TMEM272: variants seen among roughly 807,000 people sequenced by gnomAD.
The protein encoded by TMEM272 is transmembrane protein 272.
A neutral mutation model predicts 3.7 loss-of-function variants in TMEM272; 8 were observed. That is an observed-to-expected ratio of 2.17 (90% CI 1.27 to 3.91). The LOEUF (loss-of-function observed/expected upper bound fraction) is 3.91, where lower values mean the gene tolerates loss of function less well. Ranked by LOEUF, TMEM272 falls within the 30% of genes most tolerant of loss-of-function variation. The probability of loss-of-function intolerance (pLI) is 0.00; values close to 1 mark genes in which losing one functional copy is unlikely to be tolerated. For missense variants in TMEM272, 166 were observed against 91.5 expected, an observed-to-expected ratio of 1.81 and a Z score of -3.32; for synonymous variants, 63 against 39.8, an observed-to-expected ratio of 1.58 and a Z score of -2.20.
intron 1 of TMEM272, among the ~76,000 whole-genome samples, chr13:51,838,938 ACT>A (rs1249607459): frequency 6.6e-6 from 1 of 152,008 alleles, no homozygotes; most frequent in Non-Finnish European, 1.5e-5. Context: ...AGTGTTACTG[ACT>A]CTGTTTTACA....
At chr13:51,876,570 T>C in the TMEM272 span, among the ~76,000 whole-genome samples, 1 of 152,248 alleles carries the variant, frequency 6.6e-6, no homozygotes, top group African/African-American at 2.4e-5. Context: ...TTGTACACTC[T>C]GATTTTATTA....
chr13:51,924,723 G>A, the TMEM272 span, among the ~76,000 whole-genome samples: 9 of 151,924 alleles, frequency 5.9e-5, no homozygotes, highest in African/African-American at 1.2e-4. Context: ...CCCCTTTCCC[G>A]CTCTCCCCAG....
chr13:51,842,973 T>TA (rs1942310808), intron 1 of TMEM272, among the ~76,000 whole-genome samples: 1 of 152,196 alleles, frequency 6.6e-6, no homozygotes. Context: ...GGATTTGAGG[T>TA]AAAATTGACT....
intron 3 of TMEM272, among the ~76,000 whole-genome samples, chr13:51,825,215 T>C (rs1287797826): frequency 3.9e-5 from 6 of 152,234 alleles, no homozygotes; most frequent in African/African-American, 1.4e-4. Context: ...CCCAGACTAC[T>C]TGGCTGTTTC....
the TMEM272 span, among the ~76,000 whole-genome samples, chr13:51,863,044 C>T: frequency 4.6e-5 from 7 of 152,264 alleles, no homozygotes; most frequent in East Asian, 5.8e-4. Flanking sequence ...CTGGAGGGTC[C>T]GAGTAGCTTT....
chr13:51,835,876 T>G (rs763582420), intron 2 of TMEM272, among the ~76,000 whole-genome samples: 3 of 152,256 alleles, frequency 2.0e-5, no homozygotes, highest in Non-Finnish European at 4.4e-5. Context: ...CCTGGGGATA[T>G]TCTCTTATTA....
At chr13:51,903,972 T>TGTGTGTGTGTGTGTGTG in the TMEM272 span, among the ~76,000 whole-genome samples, 62 of 151,516 alleles carry the variant, frequency 4.1e-4, no homozygotes, top group South Asian at 1.0e-3. Context: ...TGTGTGTGTG[T>TGTGTGTGTGTGTGTGTG]TTAGAAAGAA....
the TMEM272 span, among the ~76,000 whole-genome samples, chr13:51,898,318 G>A: frequency 5.3e-5 from 8 of 151,924 alleles, no homozygotes; most frequent in Non-Finnish European, 1.2e-4. Context: ...AAACTCCTGG[G>A]GATTTTTCTC....
chr13:51,839,852 A>T (rs9285180), intron 1 of TMEM272, among the ~76,000 whole-genome samples: 2,108 of 152,320 alleles, frequency 0.014, 53 homozygotes, highest in African/African-American at 0.048. Flanking sequence ...GCACACAAGC[A>T]CGGTGGTTGG....
intron 4 of TMEM272, among the ~76,000 whole-genome samples, chr13:51,820,561 A>G (rs1037702435): frequency 6.6e-6 from 1 of 152,228 alleles, no homozygotes; most frequent in African/African-American, 2.4e-5. Context: ...GCTGGCTTTC[A>G]GAAAGGAAAA....
At chr13:51,927,479 GAGAAAAGGTAAAGA>G in the TMEM272 span, among the ~76,000 whole-genome samples, 3 of 152,152 alleles carry the variant, frequency 2.0e-5, no homozygotes, top group African/African-American at 7.2e-5. Context: ...TTCTGTCCTG[GAGAAAAGGTAAAGA>G]TATTTTAAAA....
chr13:51,894,513 T>TGGTTGGCTGGG, the TMEM272 span, among the ~76,000 whole-genome samples: 18 of 152,100 alleles, frequency 1.2e-4, no homozygotes, highest in Non-Finnish European at 2.4e-4. Context: ...GAGGCGATGG[T>TGGTTGGCTGGG]GGTTGGCTGG....
the TMEM272 span, among the ~76,000 whole-genome samples, chr13:51,894,726 A>G: frequency 6.6e-6 from 1 of 152,176 alleles, no homozygotes; most frequent in Non-Finnish European, 1.5e-5. Flanking sequence ...GTTTCGTGGA[A>G]GACAATTTTT....
chr13:51,841,644 G>A (rs989960443), intron 1 of TMEM272, among the ~76,000 whole-genome samples: 29 of 152,216 alleles, frequency 1.9e-4, no homozygotes, highest in Middle Eastern at 3.4e-3. Context: ...GATCCCTTTA[G>A]CCACTAACTG....
the TMEM272 span, among the ~76,000 whole-genome samples, chr13:51,911,434 C>T: frequency 5.0e-4 from 76 of 152,250 alleles, no homozygotes; most frequent in Non-Finnish European, 2.9e-4. Context: ...CTTAACTGTC[C>T]ATCAAACATA....
At chr13:51,831,049 T>C (rs1028325439) in intron 2 of TMEM272, among the ~76,000 whole-genome samples, 3 of 152,202 alleles carry the variant, frequency 2.0e-5, no homozygotes, top group African/African-American at 7.2e-5. Context: ...CTCAGAGCCA[T>C]GACTCTCAGG....
chr13:51,857,915 T>C, the TMEM272 span, among the ~76,000 whole-genome samples: 60 of 152,032 alleles, frequency 3.9e-4, no homozygotes, highest in African/African-American at 1.4e-3. Context: ...AATAAAAGGA[T>C]AGAAAAGATA....
At chr13:51,871,207 TTG>T in the TMEM272 span, among the ~76,000 whole-genome samples, 8 of 151,200 alleles carry the variant, frequency 5.3e-5, no homozygotes, top group Admixed American at 4.0e-4. Flanking sequence ...TTTTTTTTTT[TTG>T]AGATGGAGTC....
At chr13:51,934,222 G>T in the TMEM272 span, 1 of 208,112 alleles carries the variant, frequency 4.8e-6, no homozygotes, top group Non-Finnish European at 9.9e-6. Flanking sequence ...AAGCACACAG[G>T]AGAGAAAAGG....
Sources: gnomAD v4.1 joint callset for allele counts (sites outside exome capture counted in the v4.1 genomes callset) on GRCh38, gnomAD v4.1.1 for gene constraint, MANE v1.5 for transcripts, NCBI Gene and HGNC (gene_info 2026-07-23, HGNC 2026-07-21) for gene names.